The following TNR variants were observed in gnomAD, a reference collection of about 807,000 sequenced individuals.
TNR encodes tenascin R, also known as tenascin-R.
Under a neutral mutation model 150.4 loss-of-function variants are expected in TNR, and 45 were observed. The observed-to-expected ratio is 0.30, with a 90% CI of 0.24 to 0.38. The LOEUF is 0.38. TNR is among the 10% of genes least tolerant of loss of function. The probability of loss-of-function intolerance (pLI) is 1.00; values close to 1 mark genes in which losing one functional copy is unlikely to be tolerated. For missense variants in TNR, 1,544 were observed against 1,759.1 expected, an observed-to-expected ratio of 0.88 and a Z score of 2.19; for synonymous variants, 687 against 678.4, an observed-to-expected ratio of 1.01 and a Z score of -0.20.
chr1:175,517,059 A>AGAGAGAGAGAGAG (rs1571550404), intron 2 of TNR, among the ~76,000 whole-genome samples: 17 of 89,012 alleles, frequency 1.9e-4, no homozygotes, highest in South Asian at 1.1e-3. Flanking sequence ...GAGAGAGAGA[A>AGAGAGAGAGAGAG]AGAGAGAGAG....
intron 14 of TNR, among the ~76,000 whole-genome samples, chr1:175,360,895 A>G (rs1651559920): frequency 6.6e-6 from 1 of 152,188 alleles, no homozygotes; most frequent in Non-Finnish European, 1.5e-5. Context: ...ACGTAAAACC[A>G]CAACAAACAT....
At chr1:175,612,970 A>G (rs1008348498) in intron 1 of TNR, among the ~76,000 whole-genome samples, 4 of 152,212 alleles carry the variant, frequency 2.6e-5, no homozygotes, top group Admixed American at 6.5e-5. Flanking sequence ...ATGAAGGTCT[A>G]TGGTTTCAAC....
chr1:175,735,516 T>C (rs931143077), intron 1 of TNR, among the ~76,000 whole-genome samples: 6 of 152,184 alleles, frequency 3.9e-5, no homozygotes, highest in Non-Finnish European at 7.3e-5. Context: ...ACGCCAGCAC[T>C]CAGTGGCCAC....
At chr1:175,696,809 G>T (rs1000014955) in intron 1 of TNR, among the ~76,000 whole-genome samples, 2 of 151,234 alleles carry the variant, frequency 1.3e-5, no homozygotes, top group African/African-American at 2.4e-5. Flanking sequence ...AACCCAGGAG[G>T]TGGAGGTTAC....
rs942671804 is a variant in TNR at position 175,396,648 on chromosome 1, C to G, written c.1136G>C (p.Gly379Ala). ...LQQRVPGDWS[G>A]VTITELEPGL... The stretch of plus-strand genomic sequence containing the variant: ...TGGCTCCAGCTCCGTGATGGTGACA[C>G]CACTCCAATCTCCAGGCACCCGCTG... Residue 379 changes from glycine to alanine, a missense_variant, in exon 5 of 23, where the codon GGT (glycine) becomes GCT (alanine). Physicochemically the swap from Gly to Ala is moderately conservative, Grantham distance 60. This residue lies in a region of TNR where 1,254 missense variants were observed against 1,329.4 expected (regional missense o/e 0.94). Transcript: ENST00000367674. The G allele has an allele frequency of 2.5e-6, 4 of 1,614,102 alleles. No individual in the cohort carries two copies. In the East Asian group the frequency reaches 6.7e-5, roughly 27 times the overall value.
At chr1:175,525,719 G>C (rs1015283111) in intron 2 of TNR, among the ~76,000 whole-genome samples, 1 of 152,178 alleles carries the variant, frequency 6.6e-6, no homozygotes, top group African/African-American at 2.4e-5. Context: ...CCCCACCTGA[G>C]TGCTAATGCT....
intron 1 of TNR, among the ~76,000 whole-genome samples, chr1:175,701,770 C>T (rs976438542): frequency 6.6e-6 from 1 of 152,236 alleles, no homozygotes; most frequent in Non-Finnish European, 1.5e-5. Context: ...GGAGGAGGAG[C>T]AGCACCAGGG....
chr1:175,323,559 G>C (rs1390908145), intron 22 of TNR, 83 bp from the exon 23 acceptor site: 1 of 1,560,054 alleles, frequency 6.4e-7, no homozygotes, highest in Non-Finnish European at 8.7e-7. Flanking sequence ...TATGGGAACA[G>C]GGAATCCACA....
At chr1:175,668,000 A>C (rs77636807) in intron 1 of TNR, among the ~76,000 whole-genome samples, 26,171 of 152,130 alleles carry the variant, frequency 0.17, 2,666 homozygotes, top group Middle Eastern at 0.27. Context: ...GAAATGCAGA[A>C]TCTCAGGCCT....
intron 1 of TNR, among the ~76,000 whole-genome samples, chr1:175,673,837 G>A (rs189525757): frequency 3.9e-5 from 6 of 152,300 alleles, no homozygotes; most frequent in East Asian, 1.9e-4. Context: ...AGTTATTACC[G>A]GTCGACAGAG....
chr1:175,576,073 A>T (rs1252125352), intron 1 of TNR, among the ~76,000 whole-genome samples: 1 of 152,194 alleles, frequency 6.6e-6, no homozygotes, highest in Admixed American at 6.5e-5. Flanking sequence ...AGAGCAAATA[A>T]AGTCTGATTT....
At chr1:175,715,666 T>C (rs929637330) in intron 1 of TNR, among the ~76,000 whole-genome samples, 5 of 152,240 alleles carry the variant, frequency 3.3e-5, no homozygotes, top group African/African-American at 1.2e-4. Flanking sequence ...AGAGATGCTC[T>C]CATGGGGTCC....
At chr1:175,557,129 CA>C (rs1363796479) in intron 1 of TNR, among the ~76,000 whole-genome samples, 1 of 152,194 alleles carries the variant, frequency 6.6e-6, no homozygotes, top group East Asian at 1.9e-4. Context: ...TTCAGCCCAA[CA>C]AGCCAGAAGG....
chr1:175,362,124 G>T (rs1387064110), intron 14 of TNR, among the ~76,000 whole-genome samples: 1 of 152,204 alleles, frequency 6.6e-6, no homozygotes, highest in Non-Finnish European at 1.5e-5. Context: ...GGCAGCCCAG[G>T]ATGCACACGG....
intron 2 of TNR, among the ~76,000 whole-genome samples, chr1:175,454,822 C>A (rs1210087719): frequency 6.6e-6 from 1 of 152,212 alleles, no homozygotes; most frequent in Non-Finnish European, 1.5e-5. Flanking sequence ...CTTACACTCT[C>A]TGAGGCTTGG....
intron 1 of TNR, among the ~76,000 whole-genome samples, chr1:175,571,934 C>G (rs1412458724): frequency 6.6e-6 from 1 of 151,904 alleles, no homozygotes; most frequent in Non-Finnish European, 1.5e-5. Flanking sequence ...TTCCATGGAA[C>G]CAGGCCTATT....
At chr1:175,333,804 T>A (rs1650074771) in intron 20 of TNR, among the ~76,000 whole-genome samples, 1 of 152,160 alleles carries the variant, frequency 6.6e-6, no homozygotes, top group Non-Finnish European at 1.5e-5. Context: ...AGAAAACTGG[T>A]GAGGACTGGC....
chr1:175,626,222 A>C (rs6690414), intron 1 of TNR, among the ~76,000 whole-genome samples: 5 of 152,028 alleles, frequency 3.3e-5, no homozygotes, highest in Admixed American at 2.6e-4. Flanking sequence ...GTATGTCTTT[A>C]TCAGCAGTGT....
intron 1 of TNR, among the ~76,000 whole-genome samples, chr1:175,728,289 G>A (rs1667535833): frequency 6.6e-6 from 1 of 152,220 alleles, no homozygotes; most frequent in African/African-American, 2.4e-5. Flanking sequence ...GAGCCAGAAG[G>A]AAAAGACAAG....
Sources: allele counts gnomAD v4.1 joint callset (sites outside exome capture counted in the v4.1 genomes callset), GRCh38; gene constraint gnomAD v4.1.1; regional missense constraint gnomAD v4.1.1; transcripts MANE v1.5; gene names NCBI Gene and HGNC (gene_info 2026-07-23, HGNC 2026-07-21).